The following ALCAM variants were observed in gnomAD, a reference collection of about 807,000 sequenced individuals.
The protein encoded by ALCAM is CD166 antigen.
A neutral mutation model predicts 70.9 loss-of-function variants in ALCAM; 30 were observed. That is an observed-to-expected ratio of 0.42 (90% CI 0.32 to 0.57). The LOEUF (loss-of-function observed/expected upper bound fraction) is 0.57. Ranked by LOEUF, ALCAM falls within the 20% of genes least tolerant of loss-of-function variation. ALCAM has a pLI of 0.11. For missense variants in ALCAM, 591 were observed against 695.1 expected (o/e 0.85, Z 1.68); for synonymous variants, 249 against 242.5 (o/e 1.03, Z -0.25).
intron 1 of ALCAM, among the ~76,000 whole-genome samples, chr3:105,509,402 A>G (rs1939173197): frequency 6.6e-6 from 1 of 152,010 alleles, no homozygotes. Flanking sequence ...AATAAGAACC[A>G]TCTTAACAGG....
chr3:105,424,855 A>T (rs1051304760), intron 1 of ALCAM, among the ~76,000 whole-genome samples: 2 of 151,810 alleles, frequency 1.3e-5, no homozygotes, highest in African/African-American at 4.8e-5. Context: ...ATAAGGGGAA[A>T]GAGTACCTTA....
At chr3:105,467,043 A>G (rs190878218) in intron 1 of ALCAM, among the ~76,000 whole-genome samples, 127 of 151,500 alleles carry the variant, frequency 8.4e-4, no homozygotes, top group Non-Finnish European at 1.5e-4. Flanking sequence ...CAACTTTACC[A>G]TTTAATAGCT....
intron 1 of ALCAM, among the ~76,000 whole-genome samples, chr3:105,511,389 T>C (rs912959587): frequency 3.9e-5 from 6 of 152,084 alleles, no homozygotes; most frequent in Admixed American, 1.3e-4. Context: ...GTGCTTTTAG[T>C]CTCCTTCAAA....
intron 1 of ALCAM, among the ~76,000 whole-genome samples, chr3:105,493,892 A>G (rs778305087): frequency 2.6e-5 from 4 of 152,180 alleles, no homozygotes; most frequent in African/African-American, 4.8e-5. Context: ...CAACAACTCT[A>G]AGAAATAAGG....
chr3:105,396,245 T>C (rs916601103), intron 1 of ALCAM, among the ~76,000 whole-genome samples: 5 of 151,980 alleles, frequency 3.3e-5, no homozygotes, highest in South Asian at 2.1e-4. Flanking sequence ...GTGCAAATCA[T>C]TGGAGTACAG....
In ALCAM at chr3:105,534,744, C is replaced by T; in HGVS notation, c.629C>T (p.Thr210Ile). 1.2e-6 allele frequency: 2 copies of T among 1,613,760 alleles called. No homozygotes were observed. Among genetic ancestry groups the T allele is most frequent in the East Asian group, 2.2e-5 (1 of 44,842 alleles). The change falls in exon 6 of 16, where the codon ACC becomes ATC. Residue 210 changes from threonine (T) to isoleucine (I), a missense_variant. Physicochemically the swap from Thr to Ile is moderately conservative, Grantham distance 89 (BLOSUM62 -1). Coordinates refer to ENST00000306107, the MANE Select transcript of ALCAM (RefSeq NM_001627.4). ...TMTSTLEYKT[T>I]KADIQMPFTC... ...ACTTCCACCCTGGAGTACAAGACAA[C>T]CAAGGCTGACATACAAATGCCATTC...
intron 1 of ALCAM, among the ~76,000 whole-genome samples, chr3:105,447,061 T>A (rs887640116): frequency 7.2e-5 from 11 of 152,182 alleles, no homozygotes; most frequent in Admixed American, 1.3e-4. Context: ...ATATGCTAAA[T>A]GCCCTGATCT....
chr3:105,474,578 C>T (rs866239578), intron 1 of ALCAM, among the ~76,000 whole-genome samples: 1 of 149,066 alleles, frequency 6.7e-6, no homozygotes, highest in African/African-American at 2.5e-5. Flanking sequence ...AATATTCAGG[C>T]TTAAGCCTTT....
chr3:105,445,182 A>G (rs78861440), intron 1 of ALCAM, among the ~76,000 whole-genome samples: 90 of 152,314 alleles, frequency 5.9e-4, no homozygotes, highest in African/African-American at 2.1e-3. Context: ...TAGTTAATAC[A>G]TGAACAAGTA....
intron 6 of ALCAM, among the ~76,000 whole-genome samples, chr3:105,537,331 G>C (rs1397637883): frequency 1.3e-5 from 2 of 151,976 alleles, no homozygotes; most frequent in African/African-American, 4.8e-5. Flanking sequence ...TATTTCTCTT[G>C]TCTGCCCACC....
intron 1 of ALCAM, among the ~76,000 whole-genome samples, chr3:105,382,858 C>T (rs1935561227): frequency 6.6e-6 from 1 of 151,540 alleles, no homozygotes; most frequent in Non-Finnish European, 1.5e-5. Context: ...TCAGATGAAT[C>T]AACTCTTATA....
At chr3:105,389,379 T>TTTG (rs1200724531) in intron 1 of ALCAM, among the ~76,000 whole-genome samples, 1 of 128,788 alleles carries the variant, frequency 7.8e-6, no homozygotes, top group African/African-American at 2.9e-5. Context: ...TAGTTTTTTT[T>TTTG]TTTTTTTTTT....
intron 1 of ALCAM, among the ~76,000 whole-genome samples, chr3:105,385,491 A>G (rs1032657169): frequency 6.6e-6 from 1 of 151,642 alleles, no homozygotes; most frequent in Non-Finnish European, 1.5e-5. Context: ...CAGTAGCATC[A>G]TGATGTAAAA....
In ALCAM at chr3:105,403,983, G is replaced by A. The variant is rs549468030; in HGVS notation, c.73+36502G>A. On this transcript the variant is annotated intron_variant, in intron 1 of 15. Coordinates refer to ENST00000306107, the MANE Select transcript of ALCAM (RefSeq NM_001627.4). ...CAATAGAATTGAACAAGCAGAAGACGGAACTTCAGAGCTCAAAGACAAGTC... is the reference window on the plus strand; with the variant it reads ...CAATAGAATTGAACAAGCAGAAGACAGAACTTCAGAGCTCAAAGACAAGTC... Among the ~76,000 whole-genome samples the A allele has an allele frequency of 1.9e-4, 28 of 150,716 alleles. 1 individual carries two copies. Among genetic ancestry groups the A allele is most frequent in the African/African-American group, 5.4e-4 (22 of 41,010 alleles).
At position 105,460,870 on chromosome 3, in the gene ALCAM, T is replaced by C. The variant is rs143060293; in HGVS notation, c.74-59197T>C. The stretch of plus-strand genomic sequence containing the variant: ...TTCATTGATTACTACTTTACTGATA[T>C]ATAGGAAATAAAATGATAAATTGAC... On this transcript the variant is annotated intron_variant, in intron 1 of 15. Coordinates refer to ENST00000306107, the MANE Select transcript of ALCAM (RefSeq NM_001627.4). Among the ~76,000 whole-genome samples the C allele has an allele frequency of 2.9e-4, 44 of 152,092 alleles. No individual in the cohort carries two copies. The East Asian group carries it at 7.9e-3, about 27-fold the overall frequency.
chr3:105,555,039 T>A (rs926774116), intron 14 of ALCAM, among the ~76,000 whole-genome samples: 2 of 151,966 alleles, frequency 1.3e-5, no homozygotes, highest in African/African-American at 4.8e-5. Context: ...TTTGTCCCTC[T>A]ATGAATAAAA....
chr3:105,422,739 A>G (rs1936700181), intron 1 of ALCAM, among the ~76,000 whole-genome samples: 1 of 151,472 alleles, frequency 6.6e-6, no homozygotes, highest in East Asian at 1.9e-4. Context: ...ACTGATAATA[A>G]TGAAATTATG....
At chr3:105,508,615 T>G (rs1939145710) in intron 1 of ALCAM, among the ~76,000 whole-genome samples, 1 of 152,194 alleles carries the variant, frequency 6.6e-6, no homozygotes, top group Admixed American at 6.5e-5. Context: ...TTTTATTGTA[T>G]ATATTTAATC....
chr3:105,414,396 C>T (rs1576147364), intron 1 of ALCAM, among the ~76,000 whole-genome samples: 1 of 151,976 alleles, frequency 6.6e-6, no homozygotes, highest in Non-Finnish European at 1.5e-5. Context: ...GCCTGGGTAA[C>T]AGAGCAAGAC....
Sources: gnomAD v4.1 joint callset for allele counts (sites outside exome capture counted in the v4.1 genomes callset) on GRCh38, gnomAD v4.1.1 for gene constraint, MANE v1.5 for transcripts, NCBI Gene and HGNC (gene_info 2026-07-23, HGNC 2026-07-21) for gene names.